The following PRKCE variants were observed in gnomAD, a reference collection of about 807,000 sequenced individuals.
The protein encoded by PRKCE is protein kinase C epsilon.
In PRKCE, 16 loss-of-function variants were observed where a neutral mutation model predicts 85.4. The ratio of observed to expected loss-of-function variants is 0.19; its 90% CI spans 0.13 to 0.28. The LOEUF (loss-of-function observed/expected upper bound fraction) is 0.28. Ranked by LOEUF, PRKCE falls within the 10% of genes least tolerant of loss-of-function variation. The pLI is 1.00. For synonymous variants in PRKCE, 388 were observed against 371.5 expected (o/e 1.04, Z -0.51); for missense variants, 573 against 975.2 (o/e 0.59, Z 5.49).
intron 1 of PRKCE, among the ~76,000 whole-genome samples, chr2:45,756,814 G>T (rs1558637636): frequency 6.6e-6 from 1 of 152,204 alleles, no homozygotes; most frequent in Non-Finnish European, 1.5e-5. Flanking sequence ...TCAGGATGGA[G>T]GTTGTGTGGG....
At chr2:45,951,897 A>G (rs907905223) in intron 2 of PRKCE, among the ~76,000 whole-genome samples, 11 of 152,212 alleles carry the variant, frequency 7.2e-5, no homozygotes, top group African/African-American at 2.2e-4. Flanking sequence ...CAGGGGCGCC[A>G]TCTTGGCTCA....
chr2:46,060,788 G>T (rs1401323773), intron 10 of PRKCE, among the ~76,000 whole-genome samples: 3 of 147,634 alleles, frequency 2.0e-5, no homozygotes, highest in African/African-American at 7.6e-5. Flanking sequence ...TTGAGACAGA[G>T]TCTCACTGTG....
chr2:45,897,150 C>T (rs971456872), intron 2 of PRKCE, among the ~76,000 whole-genome samples: 1 of 152,198 alleles, frequency 6.6e-6, no homozygotes, highest in Non-Finnish European at 1.5e-5. Context: ...ATATCTAAAA[C>T]TGTATTACAC....
chr2:46,105,528 C>CT lies in PRKCE; in HGVS notation c.1592+19166_1592+19167insT, dbSNP rs1671637359. On this transcript the variant is annotated intron_variant, in intron 11 of 14. Transcript: ENST00000306156. ...GTCAGGCAACCACAGATGCATACCT[C>CT]AATCTGTGGCACGTATCAAGAAATT... is the stretch of plus-strand genomic sequence containing the variant. Among the ~76,000 whole-genome samples, 4 of 151,412 alleles carry CT rather than the reference C, an allele frequency of 2.6e-5. No individual in the cohort carries two copies. The South Asian group carries it at 6.3e-4, about 24-fold the overall frequency.
rs191247975 is a variant in PRKCE at position 46,150,606 on chromosome 2, C to G, written c.1732-435C>G. ...GAAGACCTCTGCTCACCTTTCCACTCAGGCAGTGAGCTGTGCCCTGGACTG... is the reference window on the plus strand; with the variant it reads ...GAAGACCTCTGCTCACCTTTCCACTGAGGCAGTGAGCTGTGCCCTGGACTG... On this transcript the variant is annotated intron_variant, in intron 12 of 14. Coordinates refer to ENST00000306156, the MANE Select transcript of PRKCE (RefSeq NM_005400.3). Among the ~76,000 whole-genome samples, 159 of 152,316 alleles carry G rather than the reference C, an allele frequency of 1.0e-3. 1 individual carries two copies. Among genetic ancestry groups the G allele is most frequent in the African/African-American group, 3.7e-3 (154 of 41,562 alleles).
chr2:46,060,862 A>G (rs2105121371), intron 10 of PRKCE, among the ~76,000 whole-genome samples: 1 of 151,652 alleles, frequency 6.6e-6, no homozygotes, highest in Non-Finnish European at 1.5e-5. Flanking sequence ...CCTAGGTTCA[A>G]GTGATTCTCC....
chr2:45,755,562 C>T (rs1483454904), intron 1 of PRKCE, among the ~76,000 whole-genome samples: 1 of 152,210 alleles, frequency 6.6e-6, no homozygotes, highest in East Asian at 1.9e-4. Context: ...CAAACCTCCA[C>T]TATATTTAGC....
intron 11 of PRKCE, among the ~76,000 whole-genome samples, chr2:46,102,826 A>G (rs1671364466): frequency 6.6e-6 from 1 of 152,226 alleles, no homozygotes; most frequent in Non-Finnish European, 1.5e-5. Context: ...ACATCACATC[A>G]AAGGTCCATA....
At position 45,667,132 on chromosome 2, in the gene PRKCE, G is replaced by A. The variant is rs940779024; in HGVS notation, c.348+14684G>A. On this transcript the variant is annotated intron_variant, in intron 1 of 14. Transcript: ENST00000306156. ...TCGAGACCAGCCTGGCCAACATGGT[G>A]AAACCCCATCTCTACTAAAAATACA... Among the ~76,000 whole-genome samples, 7 of 151,984 alleles carry A rather than the reference G, an allele frequency of 4.6e-5. 1 individual carries two copies. The highest frequency in any genetic ancestry group is 1.7e-4 in the African/African-American group (7 of 41,420).
intron 2 of PRKCE, among the ~76,000 whole-genome samples, chr2:45,901,495 G>A (rs767886861): frequency 2.4e-4 from 37 of 152,132 alleles, no homozygotes; most frequent in East Asian, 7.7e-4. Flanking sequence ...AAAAATCAAC[G>A]TATGGCTGAT....
chr2:45,848,452 A>G (rs1408883574), intron 2 of PRKCE, among the ~76,000 whole-genome samples: 1 of 152,164 alleles, frequency 6.6e-6, no homozygotes, highest in Non-Finnish European at 1.5e-5. Context: ...CTGGGACTAC[A>G]GGCATGCACC....
At chr2:45,979,274 T>A in intron 4 of PRKCE, among the ~76,000 whole-genome samples, 1 of 152,130 alleles carries the variant, frequency 6.6e-6, no homozygotes, top group East Asian at 1.9e-4. Flanking sequence ...CTGGAGCAGG[T>A]GGCACTTTCA....
chr2:45,657,271 C>T (rs1363694636), intron 1 of PRKCE, among the ~76,000 whole-genome samples: 5 of 152,246 alleles, frequency 3.3e-5, no homozygotes, highest in Middle Eastern at 6.8e-3. Context: ...CCCGGAGCAG[C>T]GAAGTCTGGA....
chr2:45,941,207 A>T (rs1413949378), intron 2 of PRKCE, among the ~76,000 whole-genome samples: 1 of 152,180 alleles, frequency 6.6e-6, no homozygotes, highest in Non-Finnish European at 1.5e-5. Context: ...AGAAGCACTC[A>T]TGTGGCCACT....
chr2:45,845,995 T>G (rs1691758131), intron 2 of PRKCE, among the ~76,000 whole-genome samples: 1 of 152,214 alleles, frequency 6.6e-6, no homozygotes, highest in South Asian at 2.1e-4. Flanking sequence ...GTGCTAGGTA[T>G]GGTGCTAGGC....
chr2:46,058,469 G>T (rs530916648), intron 10 of PRKCE, among the ~76,000 whole-genome samples: 1 of 152,316 alleles, frequency 6.6e-6, no homozygotes, highest in African/African-American at 2.4e-5. Context: ...AGAAGAAAAA[G>T]GGTCTGAATT....
At chr2:45,919,168 G>T (rs931777690) in intron 2 of PRKCE, among the ~76,000 whole-genome samples, 2 of 152,206 alleles carry the variant, frequency 1.3e-5, no homozygotes, top group African/African-American at 2.4e-5. Flanking sequence ...TAGGGGTTGT[G>T]GGGTAGACAG....
intron 1 of PRKCE, among the ~76,000 whole-genome samples, chr2:45,818,445 C>T (rs1689260542): frequency 6.6e-6 from 1 of 152,144 alleles, no homozygotes; most frequent in Admixed American, 6.5e-5. Context: ...ATAAACTACC[C>T]TGGGTCTCAA....
intron 1 of PRKCE, among the ~76,000 whole-genome samples, chr2:45,728,824 G>C (rs1435051555): frequency 6.6e-6 from 1 of 152,196 alleles, no homozygotes; most frequent in Non-Finnish European, 1.5e-5. Context: ...AGGAAGGTAT[G>C]ACCATCATCT....
Sources: gnomAD v4.1 joint callset for allele counts (sites outside exome capture counted in the v4.1 genomes callset) on GRCh38, gnomAD v4.1.1 for gene constraint, MANE v1.5 for transcripts, NCBI Gene and HGNC (gene_info 2026-07-23, HGNC 2026-07-21) for gene names.